The following PRKCE variants were observed in gnomAD, a reference collection of about 807,000 sequenced individuals.
The protein encoded by PRKCE is protein kinase C epsilon, also known as protein kinase C epsilon type.
A neutral mutation model predicts 85.4 loss-of-function variants in PRKCE; 16 were observed. The ratio of observed to expected loss-of-function variants is 0.19; its 90% CI spans 0.13 to 0.28. PRKCE has a LOEUF of 0.28. Ranked by LOEUF, PRKCE falls within the 10% of genes least tolerant of loss-of-function variation. The pLI, the probability that PRKCE is intolerant of heterozygous loss-of-function variation, is 1.00. For missense variants in PRKCE, 573 were observed against 975.2 expected (o/e 0.59, Z 5.49); for synonymous variants, 388 against 371.5 (o/e 1.04, Z -0.51).
chr2:45,988,156 G>C (rs965680186), intron 6 of PRKCE, among the ~76,000 whole-genome samples: 6 of 152,202 alleles, frequency 3.9e-5, no homozygotes, highest in African/African-American at 1.4e-4. Flanking sequence ...TGCTAGGCTG[G>C]AGCTCTGGTC....
chr2:46,069,887 C>T (rs556981991), intron 10 of PRKCE, among the ~76,000 whole-genome samples: 1 of 152,250 alleles, frequency 6.6e-6, no homozygotes, highest in East Asian at 1.9e-4. Flanking sequence ...ATTTCCTAAG[C>T]TGGGAAGAAT....
chr2:46,023,184 T>G (rs1056152789), intron 10 of PRKCE, among the ~76,000 whole-genome samples: 1 of 152,064 alleles, frequency 6.6e-6, no homozygotes, highest in Non-Finnish European at 1.5e-5. Flanking sequence ...TGATGGCCTG[T>G]TCTGGCCAGT....
chr2:45,715,018 C>T (rs527744946), intron 1 of PRKCE, among the ~76,000 whole-genome samples: 5 of 152,336 alleles, frequency 3.3e-5, no homozygotes, highest in Non-Finnish European at 4.4e-5. Flanking sequence ...TTGTTGTTTT[C>T]CCTGAAACAG....
At chr2:45,810,362 A>G (rs1573446965) in intron 1 of PRKCE, among the ~76,000 whole-genome samples, 1 of 152,200 alleles carries the variant, frequency 6.6e-6, no homozygotes, top group South Asian at 2.1e-4. Flanking sequence ...TTTTAAAAAG[A>G]TGAACTCTTG....
intron 1 of PRKCE, among the ~76,000 whole-genome samples, chr2:45,667,332 G>A (rs908896881): frequency 6.6e-6 from 1 of 151,932 alleles, no homozygotes; most frequent in African/African-American, 2.4e-5. Context: ...TTTTTTTATC[G>A]AGATGGAGTC....
In PRKCE at chr2:45,949,398, G is replaced by A. The variant is rs1700459983; in HGVS notation, c.413-27031G>A. 5.0e-5 allele frequency among the ~76,000 whole-genome samples: 5 copies of A among 100,018 alleles called. No homozygotes were observed. The South Asian group carries it at 1.7e-3, about 33-fold the overall frequency. 65.6% of individuals were successfully genotyped at this position (100,018 alleles called of 152,430 possible). A position where few individuals can be genotyped will look rare whatever the true frequency, so the allele number is the denominator to read the frequency against. On this transcript the variant is annotated intron_variant, in intron 2 of 14. Coordinates refer to ENST00000306156, the MANE Select transcript of PRKCE (RefSeq NM_005400.3). The stretch of plus-strand genomic sequence containing the variant: ...GGCCGATGAATTGTTCATTTATTTT[G>A]CTTGTTTTTTTTTTTTTTTTGATTG...
At chr2:46,119,422 G>A (rs749026280) in intron 11 of PRKCE, among the ~76,000 whole-genome samples, 1 of 151,914 alleles carries the variant, frequency 6.6e-6, no homozygotes, top group Non-Finnish European at 1.5e-5. Context: ...GTGGGTGGGG[G>A]GAGACATTCA....
chr2:46,095,025 G>A (rs1021753701), intron 11 of PRKCE, among the ~76,000 whole-genome samples: 22 of 152,194 alleles, frequency 1.4e-4, no homozygotes, highest in African/African-American at 4.6e-4. Context: ...GCACTCGCCC[G>A]GCATAGATCT....
chr2:46,034,541 G>C (rs1707736638), intron 10 of PRKCE, among the ~76,000 whole-genome samples: 1 of 152,190 alleles, frequency 6.6e-6, no homozygotes, highest in African/African-American at 2.4e-5. Flanking sequence ...AGCAACACCA[G>C]AATTGGCTGC....
At chr2:45,753,478 G>A (rs992418037) in intron 1 of PRKCE, among the ~76,000 whole-genome samples, 1 of 150,850 alleles carries the variant, frequency 6.6e-6, no homozygotes, top group Non-Finnish European at 1.5e-5. Context: ...TACCAAAAAA[G>A]TAATATCATA....
chr2:45,714,226 A>G (rs923237516), intron 1 of PRKCE, among the ~76,000 whole-genome samples: 1 of 152,212 alleles, frequency 6.6e-6, no homozygotes, highest in African/African-American at 2.4e-5. Context: ...GCCAATACAT[A>G]AGAACACATA....
rs138393016 is a variant in PRKCE, at chr2:45,805,907, C to T, written c.349-37093C>T. Among the ~76,000 whole-genome samples the T allele has an allele frequency of 7.0e-3, 1,061 of 152,282 alleles. 7 individuals are homozygous for T. Among genetic ancestry groups the T allele is most frequent in the Non-Finnish European group, 0.012 (820 of 68,014 alleles). On this transcript the variant is annotated intron_variant, in intron 1 of 14. Transcript: ENST00000306156. ...AGCCACCGCACCCAGCCTACATTAC[C>T]TTCTTTATCCTATCACAACTCTCCT...
intron 1 of PRKCE, among the ~76,000 whole-genome samples, chr2:45,733,362 G>T (rs928733563): frequency 6.6e-6 from 1 of 152,198 alleles, no homozygotes; most frequent in Non-Finnish European, 1.5e-5. Flanking sequence ...GAGGAGCTTG[G>T]GATATGTGAG....
At chr2:45,869,483 C>G (rs556875468) in intron 2 of PRKCE, among the ~76,000 whole-genome samples, 1 of 152,134 alleles carries the variant, frequency 6.6e-6, no homozygotes, top group Non-Finnish European at 1.5e-5. Flanking sequence ...ACCTATTACA[C>G]GCCAGGCACT....
chr2:46,044,252 G>A (rs951040545), intron 10 of PRKCE, among the ~76,000 whole-genome samples: 1 of 152,206 alleles, frequency 6.6e-6, no homozygotes, highest in Non-Finnish European at 1.5e-5. Flanking sequence ...TCTGGGCTTG[G>A]CCCTTACATT....
At chr2:45,835,931 A>G (rs531407555) in intron 1 of PRKCE, among the ~76,000 whole-genome samples, 4 of 152,218 alleles carry the variant, frequency 2.6e-5, no homozygotes, top group African/African-American at 7.2e-5. Context: ...ATTCCATTAC[A>G]TGGATGTAGC....
chr2:46,164,718 T>G (rs1297626592), intron 14 of PRKCE: 1 of 152,246 alleles, frequency 6.6e-6, no homozygotes, highest in Non-Finnish European at 1.5e-5. Context: ...TTTGCAGAGC[T>G]CCTGACCCTC....
intron 1 of PRKCE, among the ~76,000 whole-genome samples, chr2:45,737,247 T>TA (rs1330931307): frequency 6.6e-6 from 1 of 152,160 alleles, no homozygotes; most frequent in East Asian, 1.9e-4. Context: ...AAGCATGAAT[T>TA]ACCCTTGGCC....
chr2:45,972,717 A>C (rs1334915232), intron 2 of PRKCE, among the ~76,000 whole-genome samples: 1 of 152,248 alleles, frequency 6.6e-6, no homozygotes, highest in Non-Finnish European at 1.5e-5. Flanking sequence ...ATTGAAGAGA[A>C]TATCCTTTTT....
Sources: gnomAD v4.1 joint callset for allele counts (sites outside exome capture counted in the v4.1 genomes callset) on GRCh38, gnomAD v4.1.1 for gene constraint, MANE v1.5 for transcripts, NCBI Gene and HGNC (gene_info 2026-07-23, HGNC 2026-07-21) for gene names.